Variants in CRISP1 observed in about 807,000 individuals in gnomAD.
CRISP1 encodes cysteine rich secretory protein 1.
In CRISP1, 44 loss-of-function variants were observed where a neutral mutation model predicts 33.1. That is an observed-to-expected ratio of 1.33 (90% CI 1.05 to 1.71). CRISP1 has a LOEUF of 1.71. Among genes scored for constraint, CRISP1 ranks in the 40% most tolerant of loss-of-function variants. The pLI, the probability that CRISP1 is intolerant of heterozygous loss-of-function variation, is 0.00. For missense variants in CRISP1, 390 were observed against 301.2 expected (o/e 1.29, Z -2.18); for synonymous variants, 103 against 98.7 (o/e 1.04, Z -0.26).
At chr6:49,851,290 G>C (rs1771338723) in intron 3 of CRISP1, among the ~76,000 whole-genome samples, 1 of 152,116 alleles carries the variant, frequency 6.6e-6, no homozygotes, top group African/African-American at 2.4e-5. Context: ...GGCCGGTCCA[G>C]GGTTCAAGGA....
intron 6 of CRISP1, among the ~76,000 whole-genome samples, chr6:49,839,581 G>A (rs896533224): frequency 6.6e-6 from 1 of 152,114 alleles, no homozygotes; most frequent in Non-Finnish European, 1.5e-5. Flanking sequence ...TTTTAAATAT[G>A]ATATTTGTTT....
chr6:49,871,769 T>A (rs1473833306), intron 1 of CRISP1, among the ~76,000 whole-genome samples: 1 of 152,134 alleles, frequency 6.6e-6, no homozygotes, highest in Non-Finnish European at 1.5e-5. Flanking sequence ...ATGGTGTATA[T>A]GTGCCACATT....
At chr6:49,860,284 AT>A (rs1481801770) in intron 1 of CRISP1, among the ~76,000 whole-genome samples, 1 of 152,200 alleles carries the variant, frequency 6.6e-6, no homozygotes, top group Non-Finnish European at 1.5e-5. Flanking sequence ...ACAGACATTT[AT>A]AGAACATTTT....
At chr6:49,871,437 A>G (rs190651839), upstream of CRISP1, among the ~76,000 whole-genome samples, 2 of 152,272 alleles carry the variant, frequency 1.3e-5, no homozygotes, top group Admixed American at 1.3e-4. Flanking sequence ...AGTCAAAGCC[A>G]ATTTTTTCTA....
At chr6:49,836,980 G>A (rs942798624) in intron 7 of CRISP1, among the ~76,000 whole-genome samples, 1 of 151,482 alleles carries the variant, frequency 6.6e-6, no homozygotes, top group African/African-American at 2.4e-5. Context: ...ACTATCAGTG[G>A]ATTTTTTTTT....
chr6:49,873,829 A>C (rs1020487723), intron 1 of CRISP1, among the ~76,000 whole-genome samples: 9 of 152,220 alleles, frequency 5.9e-5, no homozygotes, highest in African/African-American at 1.9e-4. Flanking sequence ...CTTGACCTCC[A>C]GATTTTATTT....
intron 2 of CRISP1, among the ~76,000 whole-genome samples, chr6:49,854,434 C>A (rs1333171002): frequency 6.6e-6 from 1 of 152,184 alleles, no homozygotes; most frequent in Admixed American, 6.5e-5. Context: ...GTAGCACGAT[C>A]TTGGCTCACT....
chr6:49,873,888 A>G (rs916446577), intron 1 of CRISP1, among the ~76,000 whole-genome samples: 2 of 152,122 alleles, frequency 1.3e-5, no homozygotes, highest in African/African-American at 2.4e-5. Flanking sequence ...AGCTACTAAT[A>G]TATTTTAAGG....
intron 1 of CRISP1, among the ~76,000 whole-genome samples, chr6:49,861,712 C>G (rs1168466881): frequency 6.6e-6 from 1 of 151,940 alleles, no homozygotes; most frequent in Non-Finnish European, 1.5e-5. Flanking sequence ...GGTGAAACCT[C>G]GTCTCTACTA....
At chr6:49,844,936 A>C (rs762264895) in intron 5 of CRISP1, among the ~76,000 whole-genome samples, 1 of 152,140 alleles carries the variant, frequency 6.6e-6, no homozygotes, top group African/African-American at 2.4e-5. Context: ...TATTTAGGTA[A>C]GACTTTGGGC....
At chr6:49,863,126 G>C (rs1244824573) in intron 1 of CRISP1, among the ~76,000 whole-genome samples, 1 of 152,166 alleles carries the variant, frequency 6.6e-6, no homozygotes, top group Non-Finnish European at 1.5e-5. Flanking sequence ...TCCTGCTGAT[G>C]TAAGAAAGAT....
At chr6:49,870,132 CAAAT>C (rs1771889774), upstream of CRISP1, among the ~76,000 whole-genome samples, 1 of 152,132 alleles carries the variant, frequency 6.6e-6, no homozygotes, top group Non-Finnish European at 1.5e-5. Flanking sequence ...GAAAGATAGA[CAAAT>C]AAATTGCACT....
In CRISP1 at chr6:49,852,061, A is replaced by G. The variant is rs1006050957; in HGVS notation, c.135T>C (p.Val45=). The G allele has an allele frequency of 6.2e-7, 1 of 1,613,298 alleles. No homozygotes were observed. Among genetic ancestry groups the G allele is most frequent in the Non-Finnish European group, 8.5e-7 (1 of 1,179,600 alleles). ...TTCTCCTGAGGGCGTTGTGTATATT[A>G]ACGATCTCTTCTTGTACATTTGGCA... ...TDLPNVQEEI[V]NIHNALRRRV... Residue 45 remains valine (V), a synonymous_variant, in exon 3 of 8, where the codon GTT becomes GTC. Transcript: ENST00000335847.
chr6:49,866,883 C>T (rs1561951162), upstream of CRISP1, among the ~76,000 whole-genome samples: 1 of 152,092 alleles, frequency 6.6e-6, no homozygotes, highest in Non-Finnish European at 1.5e-5. Context: ...GATTTATGCT[C>T]TCTTCTAGAT....
intron 6 of CRISP1, among the ~76,000 whole-genome samples, chr6:49,840,217 T>A (rs1770938643): frequency 6.6e-6 from 1 of 152,184 alleles, no homozygotes; most frequent in African/African-American, 2.4e-5. Context: ...AGCCACACAG[T>A]TGGGCCCTGC....
intron 2 of CRISP1, 61 bp from the exon 3 acceptor site, chr6:49,852,190 T>C: frequency 6.5e-7 from 1 of 1,537,540 alleles, no homozygotes; most frequent in Non-Finnish European, 8.9e-7. Flanking sequence ...TCACATATAT[T>C]TTGCAGACCT....
chr6:49,871,138 AAC>A (rs1771913946), upstream of CRISP1, among the ~76,000 whole-genome samples: 1 of 150,860 alleles, frequency 6.6e-6, no homozygotes, highest in Admixed American at 6.6e-5. Context: ...ACAAAAAAAA[AAC>A]AAAGAAAGAA....
intron 1 of CRISP1, among the ~76,000 whole-genome samples, chr6:49,862,816 CA>C (rs3839535): frequency 0.11 from 15,599 of 137,110 alleles, 995 homozygotes; most frequent in Non-Finnish European, 0.16. Context: ...AAAGAAGCTA[CA>C]AAAAAAAAAA....
At chr6:49,873,053 G>A (rs922517811) in intron 1 of CRISP1, among the ~76,000 whole-genome samples, 1 of 151,496 alleles carries the variant, frequency 6.6e-6, no homozygotes, top group African/African-American at 2.4e-5. Context: ...ATAGCATTTG[G>A]AGATATACCT....
Sources: gnomAD v4.1 joint callset for allele counts (sites outside exome capture counted in the v4.1 genomes callset) on GRCh38, gnomAD v4.1.1 for gene constraint, MANE v1.5 for transcripts, NCBI Gene and HGNC (gene_info 2026-07-23, HGNC 2026-07-21) for gene names.